GABRA2: variants seen among roughly 807,000 people sequenced by gnomAD.
GABRA2 encodes the protein gamma-aminobutyric acid type A receptor subunit alpha2.
A neutral mutation model predicts 48.7 loss-of-function variants in GABRA2; 16 were observed. The ratio of observed to expected loss-of-function variants is 0.33; its 90% CI spans 0.22 to 0.50. The LOEUF (loss-of-function observed/expected upper bound fraction) is 0.50. Ranked by LOEUF, GABRA2 falls within the 20% of genes least tolerant of loss-of-function variation. The pLI is 0.98. For missense variants in GABRA2, 275 were observed against 535.6 expected, an observed-to-expected ratio of 0.51 and a Z score of 4.80; for synonymous variants, 185 against 184.5, an observed-to-expected ratio of 1.00 and a Z score of -0.02.
intron 9 of GABRA2, among the ~76,000 whole-genome samples, chr4:46,251,316 T>A (rs887503992): frequency 4.0e-5 from 6 of 151,580 alleles, no homozygotes; most frequent in African/African-American, 1.5e-4. Flanking sequence ...GGATCTTTTT[T>A]AAGACATAAA....
At chr4:46,322,394 G>A (rs1483434790) in intron 4 of GABRA2, among the ~76,000 whole-genome samples, 1 of 151,852 alleles carries the variant, frequency 6.6e-6, no homozygotes, top group African/African-American at 2.4e-5. Flanking sequence ...CCAAGGCCCT[G>A]CACGATCTCT....
At chr4:46,260,531 T>C (rs1716750229) in intron 9 of GABRA2, among the ~76,000 whole-genome samples, 1 of 151,814 alleles carries the variant, frequency 6.6e-6, no homozygotes, top group African/African-American at 2.4e-5. Flanking sequence ...TCAATAAATT[T>C]ATATACGGGA....
chr4:46,271,784 C>T (rs1057374945), intron 8 of GABRA2, among the ~76,000 whole-genome samples: 7 of 151,908 alleles, frequency 4.6e-5, no homozygotes, highest in South Asian at 2.1e-4. Context: ...AAACTCGTAT[C>T]CCTCTCCTCA....
At chr4:46,330,591 T>TATATAGAGAG (rs1411755120) in intron 4 of GABRA2, among the ~76,000 whole-genome samples, 24 of 122,676 alleles carry the variant, frequency 2.0e-4, no homozygotes, top group African/African-American at 6.2e-4. Context: ...TATATATATA[T>TATATAGAGAG]AGAGAGAGAG....
intron 8 of GABRA2, among the ~76,000 whole-genome samples, chr4:46,293,635 C>A (rs1724089108): frequency 6.6e-6 from 1 of 152,298 alleles, no homozygotes; most frequent in South Asian, 2.1e-4. Context: ...ACATACTTTG[C>A]AGCTGGCAGA....
chr4:46,337,931 C>T (rs1187200279), intron 3 of GABRA2, among the ~76,000 whole-genome samples: 1 of 151,916 alleles, frequency 6.6e-6, no homozygotes, highest in East Asian at 1.9e-4. Flanking sequence ...AATAGCTGAA[C>T]TGTACTGGAT....
chr4:46,336,978 G>A (rs1292857590), intron 3 of GABRA2, among the ~76,000 whole-genome samples: 1 of 151,954 alleles, frequency 6.6e-6, no homozygotes, highest in Non-Finnish European at 1.5e-5. Context: ...GGGAAATGTA[G>A]TATAGAATAA....
chr4:46,287,143 A>AG (rs1722707393), intron 8 of GABRA2, among the ~76,000 whole-genome samples: 1 of 152,102 alleles, frequency 6.6e-6, no homozygotes, highest in African/African-American at 2.4e-5. Flanking sequence ...TAAGTGAGGT[A>AG]GGGGGTCCAA....
At chr4:46,254,809 C>CA (rs1298756053) in intron 9 of GABRA2, among the ~76,000 whole-genome samples, 1 of 151,388 alleles carries the variant, frequency 6.6e-6, no homozygotes, top group Non-Finnish European at 1.5e-5. Context: ...GTAATTAAAG[C>CA]AAAAAAATGT....
chr4:46,338,747 T>G (rs1732704090), intron 3 of GABRA2, among the ~76,000 whole-genome samples: 1 of 151,818 alleles, frequency 6.6e-6, no homozygotes, highest in African/African-American at 2.4e-5. Context: ...TCCATAGATG[T>G]TTTTTCTTGG....
Position 46,244,859 on chromosome 4 carries a change from T to G in GABRA2, c.*5449A>C, listed in dbSNP as rs931806106. Among the ~76,000 whole-genome samples, 1 of 151,368 alleles carries G rather than the reference T, an allele frequency of 6.6e-6. No homozygotes were observed. The highest frequency in any genetic ancestry group is 6.6e-5 in the Admixed American group (1 of 15,134). On this transcript the variant is annotated 3_prime_UTR_variant, in exon 10 of 10. Transcript: ENST00000381620. ...CTAGCATCACAAAAACGGGTATTGC[T>G]TACTGTACAGTACAGTTTTATTGTT...
At chr4:46,315,171 G>A (rs1327530746) in intron 4 of GABRA2, among the ~76,000 whole-genome samples, 2 of 147,158 alleles carry the variant, frequency 1.4e-5, no homozygotes, top group Non-Finnish European at 3.0e-5. Context: ...TTTAATAATG[G>A]CCATTCTGAC....
chr4:46,384,790 T>C (rs1014384981), intron 3 of GABRA2, among the ~76,000 whole-genome samples: 1 of 152,182 alleles, frequency 6.6e-6, no homozygotes, highest in Non-Finnish European at 1.5e-5. Flanking sequence ...TAATTCCTTA[T>C]GTTCGTGCTT....
chr4:46,346,879 C>T (rs1734227409), intron 3 of GABRA2, among the ~76,000 whole-genome samples: 3 of 151,554 alleles, frequency 2.0e-5, no homozygotes, highest in African/African-American at 7.3e-5. Context: ...ATATAGAATG[C>T]CATAAATAAT....
At chr4:46,329,880 A>T (rs1731037671) in intron 4 of GABRA2, among the ~76,000 whole-genome samples, 1 of 152,116 alleles carries the variant, frequency 6.6e-6, no homozygotes. Context: ...GAAATCTGAC[A>T]AGAGCAGAGC....
chr4:46,357,344 A>C (rs757996200), intron 3 of GABRA2, among the ~76,000 whole-genome samples: 54 of 149,878 alleles, frequency 3.6e-4, no homozygotes, highest in Non-Finnish European at 2.8e-4. Context: ...AAAGGGTCTT[A>C]TTATAGGCCC....
At chr4:46,319,960 A>G (rs1729176528) in intron 4 of GABRA2, among the ~76,000 whole-genome samples, 1 of 151,750 alleles carries the variant, frequency 6.6e-6, no homozygotes, top group Non-Finnish European at 1.5e-5. Context: ...TTCAAAAGCA[A>G]TATTTACTTA....
At chr4:46,306,301 A>T (rs1004248296) in intron 6 of GABRA2, among the ~76,000 whole-genome samples, 1 of 152,182 alleles carries the variant, frequency 6.6e-6, no homozygotes, top group Non-Finnish European at 1.5e-5. Context: ...ATCAATGCAC[A>T]CAGATATCAC....
intron 7 of GABRA2, 82 bp downstream of exon 7, chr4:46,305,486 T>G: frequency 7.7e-7 from 1 of 1,300,668 alleles, no homozygotes; most frequent in Non-Finnish European, 1.1e-6. Context: ...CAAAAGATTT[T>G]AAGCAATCTG....
Sources: gnomAD v4.1 joint callset for allele counts (sites outside exome capture counted in the v4.1 genomes callset) on GRCh38, gnomAD v4.1.1 for gene constraint, MANE v1.5 for transcripts, NCBI Gene and HGNC (gene_info 2026-07-23, HGNC 2026-07-21) for gene names.